Variants in CCDC124 observed in about 807,000 individuals in gnomAD.
The protein encoded by CCDC124 is coiled-coil domain containing 124.
Under a neutral mutation model 19.8 loss-of-function variants are expected in CCDC124, and 9 were observed. That is an observed-to-expected ratio of 0.45 (90% CI 0.27 to 0.79). The LOEUF is 0.79. Ranked by LOEUF, CCDC124 falls within the 30% of genes least tolerant of loss-of-function variation. CCDC124 has a pLI of 0.14. For synonymous variants in CCDC124, 126 were observed against 131.3 expected (o/e 0.96, Z 0.27); for missense variants, 285 against 319.0 (o/e 0.89, Z 0.81).
intron 2 of CCDC124, among the ~76,000 whole-genome samples, chr19:17,941,716 C>A (rs2031185868): frequency 6.6e-6 from 1 of 152,216 alleles, no homozygotes; most frequent in South Asian, 2.1e-4. Context: ...GGGGGTCAGG[C>A]CCTGGCAGTG....
intron 1 of CCDC124, among the ~76,000 whole-genome samples, chr19:17,933,829 T>C (rs2031000792): frequency 6.6e-6 from 1 of 152,238 alleles, no homozygotes; most frequent in Admixed American, 6.5e-5. Context: ...TGATTGCATG[T>C]GTTGGCTCTT....
chr19:17,939,903 G>T (rs1230250776), intron 2 of CCDC124, among the ~76,000 whole-genome samples: 2 of 146,796 alleles, frequency 1.4e-5, no homozygotes, highest in Non-Finnish European at 3.0e-5. Context: ...GATTACAGGT[G>T]TGAGCCACCG....
At chr19:17,936,709 T>C in intron 2 of CCDC124, 130 bp downstream of exon 2, 1 of 1,182,424 alleles carries the variant, frequency 8.5e-7, no homozygotes, top group South Asian at 1.6e-5. Context: ...GACCAGGCGC[T>C]GTCGCTCACG....
At chr19:17,933,818 CTGAT>C (rs1229446921) in intron 1 of CCDC124, among the ~76,000 whole-genome samples, 2 of 152,234 alleles carry the variant, frequency 1.3e-5, no homozygotes, top group African/African-American at 4.8e-5. Flanking sequence ...TATTAGGACT[CTGAT>C]TGCATGTGTT....
chr19:17,935,579 C>T (rs1291080508), intron 1 of CCDC124, among the ~76,000 whole-genome samples: 1 of 151,490 alleles, frequency 6.6e-6, no homozygotes, highest in African/African-American at 2.4e-5. Context: ...TGCCACCACA[C>T]CCAGCTTTTT....
intron 2 of CCDC124, among the ~76,000 whole-genome samples, chr19:17,941,607 A>T (rs947837380): frequency 1.3e-5 from 2 of 151,994 alleles, no homozygotes; most frequent in African/African-American, 4.8e-5. Flanking sequence ...CGAGGGGGAA[A>T]CTAAGGCTCC....
At chr19:17,933,306 A>G (rs1340638433) in intron 1 of CCDC124, among the ~76,000 whole-genome samples, 2 of 152,106 alleles carry the variant, frequency 1.3e-5, no homozygotes, top group African/African-American at 4.8e-5. Flanking sequence ...TGGTCTCGAG[A>G]GGGACAGAGT....
chr19:17,934,922 T>C (rs1323965316), intron 1 of CCDC124, among the ~76,000 whole-genome samples: 1 of 151,910 alleles, frequency 6.6e-6, no homozygotes, highest in East Asian at 1.9e-4. Flanking sequence ...CCTTTTTTTT[T>C]TTTTCTTTTA....
chr19:17,937,000 G>C (rs1439494422), intron 2 of CCDC124: 1 of 148,826 alleles, frequency 6.7e-6, no homozygotes, highest in Admixed American at 6.8e-5. Context: ...AAAAAAAGAG[G>C]CTGGGCAGAG....
intron 2 of CCDC124, among the ~76,000 whole-genome samples, chr19:17,937,574 G>A (rs1235019131): frequency 6.6e-6 from 1 of 152,104 alleles, no homozygotes; most frequent in Admixed American, 6.6e-5. Context: ...AGAAGGTGGA[G>A]ACCAGAGATG....
In CCDC124 at chr19:17,943,719, C is replaced by A; in HGVS notation, c.*4C>A. 1 of 1,611,668 alleles carries A rather than the reference C, an allele frequency of 6.2e-7. No homozygotes were observed. The highest frequency in any genetic ancestry group is 1.7e-5 in the Admixed American group (1 of 59,872). ...GCCCTTCAATGCCCCCAAGTGAGCCCAGAACTTGGGGAGCCAGTTCACCCA... is the reference window on the plus strand; with the variant it reads ...GCCCTTCAATGCCCCCAAGTGAGCCAAGAACTTGGGGAGCCAGTTCACCCA... On this transcript the variant is annotated 3_prime_UTR_variant, in exon 5 of 5. Transcript: ENST00000445755.
intron 1 of CCDC124, among the ~76,000 whole-genome samples, chr19:17,934,760 G>A (rs2031023160): frequency 6.6e-6 from 1 of 152,040 alleles, no homozygotes. Context: ...TCCAGCCTGG[G>A]CGACAGAGTG....
Position 17,943,241 on chromosome 19 carries a change from T to TCTGGGGGG in CCDC124, c.350-19_350-18insTGGGGGGC. On this transcript the variant is annotated intron_variant, in intron 3 of 4. Coordinates refer to ENST00000445755, the MANE Select transcript of CCDC124 (RefSeq NM_001136203.2). Reference sequence around the variant, plus strand: ...CTTTGCTTATCTCTCTCTGTCTCTGTCACCCACCCACCCGCCCAGCCGAGA... The same window carrying TCTGGGGGG: ...CTTTGCTTATCTCTCTCTGTCTCTGTCTGGGGGGCACCCACCCACCCGCCCAGCCGAGA... 3 of 736,674 alleles carry TCTGGGGGG rather than the reference T, an allele frequency of 4.1e-6. No individual in the cohort carries two copies. The highest frequency in any genetic ancestry group is 2.7e-5 in the East Asian group (1 of 37,084). 45.6% of individuals were successfully genotyped at this position (736,674 alleles called of 1,614,324 possible). A position where few individuals can be genotyped will look rare whatever the true frequency, so the allele number is the denominator to read the frequency against.
At chr19:17,939,850 T>G (rs12978072) in intron 2 of CCDC124, among the ~76,000 whole-genome samples, 25,461 of 151,026 alleles carry the variant, frequency 0.17, 2,414 homozygotes, top group Non-Finnish European at 0.21. Context: ...CTAAAACTCC[T>G]GGCCCCAAGT....
chr19:17,939,446 A>G (rs191919686), intron 2 of CCDC124, among the ~76,000 whole-genome samples: 114 of 152,178 alleles, frequency 7.5e-4, no homozygotes, highest in Non-Finnish European at 1.0e-4. Context: ...CAGAATCCAG[A>G]GACCTTTCCG....
At chr19:17,943,481 C>T (rs778858953) in intron 4 of CCDC124, 27 bp from the exon 5 acceptor site, 25 of 1,602,730 alleles carry the variant, frequency 1.6e-5, no homozygotes, top group Middle Eastern at 1.7e-4. Context: ...GCGCCCAAGG[C>T]CCCCTGACGC....
rs574930671 is a variant in CCDC124, at chr19:17,934,141, T to C, written c.-12+1093T>C. Reference sequence around the variant, plus strand: ...GAGTTTGAGACCAGCCTGGCCAACATAGTGAAACCCCGTCTCTACTAAAAA... The same window carrying C: ...GAGTTTGAGACCAGCCTGGCCAACACAGTGAAACCCCGTCTCTACTAAAAA... On this transcript the variant is annotated intron_variant, in intron 1 of 4. Transcript: ENST00000445755. Among the ~76,000 whole-genome samples the C allele has an allele frequency of 1.7e-4, 25 of 150,376 alleles. 3 individuals are homozygous for C. Among genetic ancestry groups the C allele is most frequent in the African/African-American group, 5.3e-4 (21 of 39,854 alleles).
Position 17,943,837 on chromosome 19 carries a change from G to A in CCDC124, c.*122G>A, listed in dbSNP as rs1176623989. On this transcript the variant is annotated 3_prime_UTR_variant, in exon 5 of 5. Coordinates refer to ENST00000445755, the MANE Select transcript of CCDC124 (RefSeq NM_001136203.2). The stretch of plus-strand genomic sequence containing the variant: ...CGGGGGCCAAGGCGCCGGGCCCCGG[G>A]GCCATGCTCTTATCACCAGCCACCC... The A allele has an allele frequency of 1.1e-6, 1 of 945,558 alleles. No individual in the cohort carries two copies. The highest frequency in any genetic ancestry group is 2.5e-5 in the Admixed American group (1 of 39,988). The allele number at this position is 945,558 out of a possible 1,614,324, so 58.6% of individuals were successfully genotyped here. A position where few individuals can be genotyped will look rare whatever the true frequency, so the allele number is the denominator to read the frequency against.
chr19:17,943,232 C>CT, intron 3 of CCDC124, 29 bp from the exon 4 acceptor site: 1 of 777,016 alleles, frequency 1.3e-6, no homozygotes, highest in Non-Finnish European at 2.2e-6. Flanking sequence ...TTATCTCTCT[C>CT]TGTCTCTGTC....
Sources: gnomAD v4.1 joint callset for allele counts (sites outside exome capture counted in the v4.1 genomes callset) on GRCh38, gnomAD v4.1.1 for gene constraint, MANE v1.5 for transcripts, NCBI Gene and HGNC (gene_info 2026-07-23, HGNC 2026-07-21) for gene names.